R3HDM2: variants seen among roughly 807,000 people sequenced by gnomAD.
R3HDM2 encodes the protein R3H domain-containing protein 2.
In R3HDM2, 38 loss-of-function variants were observed where a neutral mutation model predicts 124.5. The ratio of observed to expected loss-of-function variants is 0.31; its 90% CI spans 0.24 to 0.40. The LOEUF (loss-of-function observed/expected upper bound fraction) is 0.40. R3HDM2 is among the 10% of genes least tolerant of loss of function. The pLI, the probability that R3HDM2 is intolerant of heterozygous loss-of-function variation, is 1.00. For missense variants in R3HDM2, 869 were observed against 1,236.9 expected (o/e 0.70, Z 4.46); for synonymous variants, 391 against 448.0 (o/e 0.87, Z 1.61).
intron 5 of R3HDM2, 88 bp from the exon 6 acceptor site, chr12:57,299,566 G>T (rs2050658075): frequency 7.6e-7 from 1 of 1,321,482 alleles, no homozygotes; most frequent in Non-Finnish European, 1.0e-6. Flanking sequence ...TAAATCTTGG[G>T]GTGGCAGCTC....
intron 2 of R3HDM2, among the ~76,000 whole-genome samples, chr12:57,384,663 G>A (rs950936979): frequency 1.6e-4 from 25 of 152,136 alleles, no homozygotes; most frequent in Non-Finnish European, 3.5e-4. Context: ...GAAGAATCTA[G>A]AGAGGTTAGT....
chr12:57,380,637 G>A (rs1361958386), intron 2 of R3HDM2, among the ~76,000 whole-genome samples: 1 of 152,142 alleles, frequency 6.6e-6, no homozygotes, highest in Non-Finnish European at 1.5e-5. Context: ...AACTCTTGGT[G>A]ACCTCAAAAT....
intron 2 of R3HDM2, among the ~76,000 whole-genome samples, chr12:57,379,340 G>A (rs1323548438): frequency 6.6e-6 from 1 of 152,152 alleles, no homozygotes; most frequent in Non-Finnish European, 1.5e-5. Context: ...CAGCACTTTG[G>A]GAGGCCGAGG....
intron 2 of R3HDM2, among the ~76,000 whole-genome samples, chr12:57,331,127 C>T (rs931775994): frequency 1.2e-4 from 19 of 152,136 alleles, no homozygotes; most frequent in African/African-American, 4.3e-4. Flanking sequence ...CCTCTCTTGG[C>T]GGAATGACTG....
chr12:57,283,186 T>C (rs1014090133), intron 13 of R3HDM2, among the ~76,000 whole-genome samples: 4 of 152,200 alleles, frequency 2.6e-5, no homozygotes, highest in Admixed American at 2.0e-4. Flanking sequence ...TCAAGAGTCA[T>C]AGAATGAAAG....
At chr12:57,367,384 A>G (rs1410071858) in intron 2 of R3HDM2, among the ~76,000 whole-genome samples, 1 of 152,212 alleles carries the variant, frequency 6.6e-6, no homozygotes, top group African/African-American at 2.4e-5. Context: ...TTTTATGTAA[A>G]TATCCACATG....
At chr12:57,280,279 A>G in intron 14 of R3HDM2, 79 bp downstream of exon 14, 1 of 1,392,338 alleles carries the variant, frequency 7.2e-7, no homozygotes, top group South Asian at 1.6e-5. Context: ...TGCCACCCAC[A>G]GCACAAGAGA....
intron 2 of R3HDM2, among the ~76,000 whole-genome samples, chr12:57,334,526 C>T (rs569306681): frequency 1.3e-5 from 2 of 151,834 alleles, no homozygotes; most frequent in Non-Finnish European, 2.9e-5. Context: ...GCTGCAAAAA[C>T]TGTCAGAGAA....
chr12:57,353,690 T>C (rs992123641), intron 2 of R3HDM2, among the ~76,000 whole-genome samples: 3 of 152,058 alleles, frequency 2.0e-5, no homozygotes, highest in East Asian at 3.8e-4. Flanking sequence ...CTAGGAACTA[T>C]AGGTGTGTGC....
chr12:57,318,982 A>C (rs915796513), intron 2 of R3HDM2, among the ~76,000 whole-genome samples: 1 of 152,196 alleles, frequency 6.6e-6, no homozygotes, highest in Non-Finnish European at 1.5e-5. Context: ...TACTGCCTCT[A>C]ACTAAGGGGA....
chr12:57,256,292 G>A (rs1040943886), intron 22 of R3HDM2, 122 bp downstream of exon 22: 7 of 949,790 alleles, frequency 7.4e-6, no homozygotes, highest in Non-Finnish European at 1.1e-5. Flanking sequence ...GTAGGGCAAG[G>A]CTCCTGCTTT....
chr12:57,255,000 C>A lies in R3HDM2; in HGVS notation c.2746G>T (p.Asp916Tyr). Residue 916 changes from aspartate to tyrosine, a missense_variant, in exon 24 of 24, where the codon GAT (aspartate) becomes TAT (tyrosine). Around this residue, in one of 2 missense-constraint regions of R3HDM2, gnomAD observed 602 missense variants for 789.2 expected, o/e 0.76. Coordinates refer to ENST00000402412, the MANE Select transcript of R3HDM2 (RefSeq NM_001394031.1). ...MSGAKIQWLK[D>Y]AQGLPGGGGG... ...CCCCCTCCAGGCAGCCCCTGAGCAT[C>A]CTTGAGCCACTGGATCTTGGCGCCA... is the stretch of plus-strand genomic sequence containing the variant. The A allele has an allele frequency of 6.2e-7, 1 of 1,612,870 alleles. No individual in the cohort carries two copies. Among genetic ancestry groups the A allele is most frequent in the Non-Finnish European group, 8.5e-7 (1 of 1,179,204 alleles).
At chr12:57,337,395 C>G (rs1452071014) in intron 2 of R3HDM2, among the ~76,000 whole-genome samples, 1 of 152,080 alleles carries the variant, frequency 6.6e-6, no homozygotes, top group African/African-American at 2.4e-5. Context: ...AAGGGATCTG[C>G]CTATCTTGGC....
intron 2 of R3HDM2, among the ~76,000 whole-genome samples, chr12:57,386,855 G>A (rs1160406183): frequency 6.6e-6 from 1 of 152,138 alleles, no homozygotes; most frequent in African/African-American, 2.4e-5. Context: ...GTCTAGCTCA[G>A]GGTTTGTGAA....
chr12:57,271,090 C>G (rs371437479), intron 14 of R3HDM2, among the ~76,000 whole-genome samples: 90 of 152,198 alleles, frequency 5.9e-4, no homozygotes, highest in African/African-American at 1.6e-3. Flanking sequence ...TCATGGGTAG[C>G]TAGGTTCATG....
intron 1 of R3HDM2, among the ~76,000 whole-genome samples, chr12:57,407,285 T>G (rs990827433): frequency 9.9e-5 from 15 of 151,710 alleles, no homozygotes; most frequent in African/African-American, 2.9e-4. Flanking sequence ...ATGTTAAACA[T>G]GCACTGACCA....
chr12:57,410,815 T>C (rs1248307438), intron 1 of R3HDM2, among the ~76,000 whole-genome samples: 1 of 152,188 alleles, frequency 6.6e-6, no homozygotes. Context: ...ATGGCACCAC[T>C]GTATTACAGC....
intron 2 of R3HDM2, chr12:57,341,511 A>C (rs1230033865): frequency 1.6e-6 from 1 of 633,406 alleles, no homozygotes. Context: ...TTTAGAAGCC[A>C]AGGCCAGCAA....
intron 3 of R3HDM2, among the ~76,000 whole-genome samples, chr12:57,306,781 G>A (rs2052681868): frequency 6.6e-6 from 1 of 152,160 alleles, no homozygotes. Flanking sequence ...TTGGGAGGCT[G>A]AGGCAGATGG....
Sources: allele counts gnomAD v4.1 joint callset (sites outside exome capture counted in the v4.1 genomes callset), GRCh38; gene constraint gnomAD v4.1.1; regional missense constraint gnomAD v4.1.1; transcripts MANE v1.5; gene names NCBI Gene and HGNC (gene_info 2026-07-23, HGNC 2026-07-21).